SERPINB10: variants seen among roughly 807,000 people sequenced by gnomAD.
The protein encoded by SERPINB10 is serpin family B member 10.
Under a neutral mutation model 39.1 loss-of-function variants are expected in SERPINB10, and 35 were observed. That is an observed-to-expected ratio of 0.90 (90% CI 0.68 to 1.19). SERPINB10 has a LOEUF of 1.19. SERPINB10 is among the 50% of genes most tolerant of loss of function. SERPINB10 has a pLI of 0.00. For missense variants in SERPINB10, 546 were observed against 460.5 expected, an observed-to-expected ratio of 1.19 and a Z score of -1.70; for synonymous variants, 190 against 158.1, an observed-to-expected ratio of 1.20 and a Z score of -1.52.
At chr18:63,931,950 C>CT (rs1433787770) in intron 6 of SERPINB10, among the ~76,000 whole-genome samples, 1 of 152,088 alleles carries the variant, frequency 6.6e-6, no homozygotes, top group Non-Finnish European at 1.5e-5. Context: ...AGCCACTGAT[C>CT]TTTTTTTGTT....
intron 1 of SERPINB10, among the ~76,000 whole-genome samples, chr18:63,913,010 T>C (rs1301122361): frequency 6.6e-6 from 1 of 151,854 alleles, no homozygotes; most frequent in Non-Finnish European, 1.5e-5. Flanking sequence ...TCTTGAGAGG[T>C]TGTGTGTTTT....
intron 1 of SERPINB10, among the ~76,000 whole-genome samples, chr18:63,914,616 G>A (rs1331824439): frequency 6.6e-6 from 1 of 151,956 alleles, no homozygotes; most frequent in Admixed American, 6.6e-5. Flanking sequence ...TTGGTTTAGG[G>A]TGGACTTGGT....
chr18:63,909,930 GTC>G (rs2050051771), intron 1 of SERPINB10, among the ~76,000 whole-genome samples: 1 of 151,976 alleles, frequency 6.6e-6, no homozygotes, highest in South Asian at 2.1e-4. Context: ...CAGATCTACA[GTC>G]TTTTTTGTTT....
In SERPINB10 at chr18:63,933,117, A is replaced by G; in HGVS notation, c.703A>G (p.Lys235Glu). 1 of 1,614,012 alleles carries G rather than the reference A, an allele frequency of 6.2e-7. No homozygotes were observed. The change falls in exon 7 of 8, where the codon AAA becomes GAA. Residue 235 changes from lysine (K) to glutamate (E), a missense_variant. Physicochemically the swap from Lys to Glu is moderately conservative, Grantham distance 56 (BLOSUM62 1). Coordinates refer to ENST00000238508, the MANE Select transcript of SERPINB10 (RefSeq NM_005024.3). ...TCACATTTTTCACATAGAAAAGCCA[A>G]AAGCAGTGGGCCTTCAACTCTACTA... ...KLHIFHIEKP[K>E]AVGLQLYYKS...
At chr18:63,929,712 C>CAAAAAAAAA (rs74169990) in intron 5 of SERPINB10, among the ~76,000 whole-genome samples, 15 of 97,332 alleles carry the variant, frequency 1.5e-4, no homozygotes, top group Non-Finnish European at 2.7e-4. Context: ...AGCTAAAGTG[C>CAAAAAAAAA]AAAAAAAAAA....
rs985349610 is a variant in SERPINB10, at chr18:63,933,139, A to G, written c.725A>G (p.Tyr242Cys). 1.9e-6 allele frequency: 3 copies of G among 1,613,948 alleles called. No individual in the cohort carries two copies. The highest frequency in any genetic ancestry group is 1.3e-5 in the African/African-American group (1 of 74,920). Reference sequence around the variant, plus strand: ...CCAAAAGCAGTGGGCCTTCAACTCTACTACAAAAGCCGTGACCTCAGCCTG... The same window carrying G: ...CCAAAAGCAGTGGGCCTTCAACTCTGCTACAAAAGCCGTGACCTCAGCCTG... Reference protein sequence around the residue: ...EKPKAVGLQLYYKSRDLSLLI... With the variant: ...EKPKAVGLQLCYKSRDLSLLI... The change falls in exon 7 of 8, where the codon TAC (tyrosine) becomes TGC (cysteine). Residue 242 changes from tyrosine to cysteine, a missense_variant. Transcript: ENST00000238508.
chr18:63,909,640 T>C lies in SERPINB10; in HGVS notation c.-10+1600T>C, dbSNP rs368935548. 9.9e-5 allele frequency among the ~76,000 whole-genome samples: 15 copies of C among 152,044 alleles called. 1 individual carries two copies. The highest frequency in any genetic ancestry group is 7.2e-4 in the Admixed American group (11 of 15,242). ...AAGTAAATAAACACTGGAATAACCATACACTGAGGTAGAAAAACCCCAGCC... is the reference window on the plus strand; with the variant it reads ...AAGTAAATAAACACTGGAATAACCACACACTGAGGTAGAAAAACCCCAGCC... On this transcript the variant is annotated intron_variant, in intron 1 of 7. Transcript: ENST00000238508.
intron 4 of SERPINB10, among the ~76,000 whole-genome samples, chr18:63,918,851 G>A (rs1247179257): frequency 6.6e-6 from 1 of 151,876 alleles, no homozygotes; most frequent in Non-Finnish European, 1.5e-5. Flanking sequence ...TGCAGAAGTA[G>A]GAGACATGAT....
rs1414857759 is a variant in SERPINB10, at chr18:63,930,189, T to C, written c.633+2T>C. 1 of 1,611,668 alleles carries C rather than the reference T, an allele frequency of 6.2e-7. No individual in the cohort carries two copies. The highest frequency in any genetic ancestry group is 1.1e-5 in the South Asian group (1 of 90,900). Reference sequence around the variant, plus strand: ...GAAAAGCCTTTTAGAATAAACGAGGTAGGAAATTTTTAAAGATCAGTTTGG... The same window carrying C: ...GAAAAGCCTTTTAGAATAAACGAGGCAGGAAATTTTTAAAGATCAGTTTGG... On this transcript the variant is annotated splice_donor_variant, in intron 6 of 7. Coordinates refer to ENST00000238508, the MANE Select transcript of SERPINB10 (RefSeq NM_005024.3). LOFTEE classifies it high-confidence loss of function.
intron 7 of SERPINB10, among the ~76,000 whole-genome samples, chr18:63,933,870 G>A (rs933464438): frequency 6.6e-6 from 1 of 152,188 alleles, no homozygotes; most frequent in Admixed American, 6.5e-5. Context: ...TTTGCACAGT[G>A]TCTAATTTTT....
intron 4 of SERPINB10, 31 bp from the exon 5 acceptor site, chr18:63,919,757 A>T (rs1283915523): frequency 6.9e-7 from 1 of 1,449,702 alleles, no homozygotes; most frequent in East Asian, 2.3e-5. Flanking sequence ...AACAAACTCT[A>T]CAAAAGGGGA....
intron 5 of SERPINB10, among the ~76,000 whole-genome samples, chr18:63,920,894 G>T (rs1344752200): frequency 2.0e-5 from 3 of 151,934 alleles, no homozygotes; most frequent in Non-Finnish European, 4.4e-5. Flanking sequence ...AAAGGAAGTA[G>T]TAGAAGGATT....
chr18:63,931,125 T>C (rs2050219069), intron 6 of SERPINB10, among the ~76,000 whole-genome samples: 1 of 152,180 alleles, frequency 6.6e-6, no homozygotes, highest in South Asian at 2.1e-4. Context: ...AAACTAGCTC[T>C]GGCAAAATGG....
intron 5 of SERPINB10, among the ~76,000 whole-genome samples, chr18:63,929,042 T>C (rs1789848173): frequency 6.6e-6 from 1 of 152,214 alleles, no homozygotes. Flanking sequence ...CTTTTTAGTA[T>C]GATTATGGAT....
chr18:63,908,519 T>G (rs1257478529), intron 1 of SERPINB10, among the ~76,000 whole-genome samples: 2 of 152,030 alleles, frequency 1.3e-5, no homozygotes, highest in East Asian at 3.9e-4. Flanking sequence ...TTTGACTCTT[T>G]AACTGTTACC....
intron 5 of SERPINB10, among the ~76,000 whole-genome samples, chr18:63,927,458 A>G (rs1329390599): frequency 1.3e-5 from 2 of 152,072 alleles, no homozygotes; most frequent in Non-Finnish European, 2.9e-5. Context: ...GGAAGTCCGC[A>G]ATCAAGGTGC....
At chr18:63,924,529 T>C (rs1304648489) in intron 5 of SERPINB10, among the ~76,000 whole-genome samples, 1 of 151,998 alleles carries the variant, frequency 6.6e-6, no homozygotes, top group African/African-American at 2.4e-5. Context: ...AATTCAGATA[T>C]CTTGGAGTGA....
intron 5 of SERPINB10, among the ~76,000 whole-genome samples, chr18:63,923,846 CTT>C (rs1156292818): frequency 6.6e-6 from 1 of 151,730 alleles, no homozygotes; most frequent in African/African-American, 2.4e-5. Context: ...TTCTGTTATC[CTT>C]TTCCAGCTCA....
At chr18:63,912,632 T>C (rs1000102140) in intron 1 of SERPINB10, among the ~76,000 whole-genome samples, 10 of 152,046 alleles carry the variant, frequency 6.6e-5, no homozygotes, top group Non-Finnish European at 1.2e-4. Context: ...CAAAGCCTAC[T>C]TGATGGTGGT....
Sources: allele counts gnomAD v4.1 joint callset (sites outside exome capture counted in the v4.1 genomes callset), GRCh38; gene constraint gnomAD v4.1.1; transcripts MANE v1.5; gene names NCBI Gene and HGNC (gene_info 2026-07-23, HGNC 2026-07-21).